The following FOXN3 variants were observed in gnomAD, a reference collection of about 807,000 sequenced individuals.
The protein encoded by FOXN3 is forkhead box protein N3.
In FOXN3, 7 loss-of-function variants were observed where a neutral mutation model predicts 38.4. The ratio of observed to expected loss-of-function variants is 0.18; its 90% CI spans 0.10 to 0.34. The LOEUF (loss-of-function observed/expected upper bound fraction) is 0.34, where lower values mean the gene tolerates loss of function less well. FOXN3 is among the 10% of genes least tolerant of loss of function. The pLI is 1.00. For synonymous variants in FOXN3, 230 were observed against 242.2 expected, an observed-to-expected ratio of 0.95 and a Z score of 0.47; for missense variants, 456 against 613.4, an observed-to-expected ratio of 0.74 and a Z score of 2.71.
At chr14:89,220,254 T>G (rs1295338492) in intron 4 of FOXN3, among the ~76,000 whole-genome samples, 1 of 152,160 alleles carries the variant, frequency 6.6e-6, no homozygotes, top group Non-Finnish European at 1.5e-5. Context: ...TGGATTCAGG[T>G]GGCATGGGTT....
At chr14:89,460,507 G>C (rs191701560) in intron 1 of FOXN3, among the ~76,000 whole-genome samples, 1 of 152,198 alleles carries the variant, frequency 6.6e-6, no homozygotes, top group Admixed American at 6.5e-5. Flanking sequence ...CCCGCTTCTT[G>C]TTCCTCTCAC....
chr14:89,172,491 C>T (rs1887415430), intron 5 of FOXN3, among the ~76,000 whole-genome samples: 3 of 152,150 alleles, frequency 2.0e-5, no homozygotes, highest in African/African-American at 4.8e-5. Context: ...CTTGTTCGCG[C>T]ACTCCCTTGC....
At chr14:89,218,818 C>A (rs1462173870) in intron 4 of FOXN3, among the ~76,000 whole-genome samples, 1 of 152,160 alleles carries the variant, frequency 6.6e-6, no homozygotes, top group Non-Finnish European at 1.5e-5. Flanking sequence ...AATGAGAGGT[C>A]TGGACTGAAC....
At chr14:89,510,479 C>T (rs1233703912) in intron 1 of FOXN3, among the ~76,000 whole-genome samples, 1 of 152,178 alleles carries the variant, frequency 6.6e-6, no homozygotes, top group African/African-American at 2.4e-5. Flanking sequence ...CTCCAGGACC[C>T]AAGCTGCCCT....
chr14:89,191,279 C>A (rs1299346697), intron 4 of FOXN3, among the ~76,000 whole-genome samples: 1 of 152,192 alleles, frequency 6.6e-6, no homozygotes, highest in African/African-American at 2.4e-5. Context: ...AGTAAACAAC[C>A]CCCAAGAATG....
chr14:89,558,842 G>A (rs1439649417), intron 1 of FOXN3, among the ~76,000 whole-genome samples: 1 of 152,164 alleles, frequency 6.6e-6, no homozygotes, highest in Non-Finnish European at 1.5e-5. Flanking sequence ...GCAGGGCCAG[G>A]TGGGCCATGA....
At chr14:89,334,685 G>C (rs1337902211) in intron 3 of FOXN3, among the ~76,000 whole-genome samples, 3 of 150,844 alleles carry the variant, frequency 2.0e-5, no homozygotes, top group African/African-American at 7.3e-5. Flanking sequence ...TAATAATACT[G>C]TATTTTATAC....
intron 2 of FOXN3, among the ~76,000 whole-genome samples, chr14:89,374,465 T>A (rs1405924407): frequency 1.3e-5 from 2 of 151,970 alleles, no homozygotes; most frequent in African/African-American, 2.4e-5. Context: ...ACATAAAGAC[T>A]TGTAAAAGAA....
chr14:89,598,467 T>C (rs898270763), intron 1 of FOXN3, among the ~76,000 whole-genome samples: 3 of 152,200 alleles, frequency 2.0e-5, no homozygotes, highest in Admixed American at 6.5e-5. Context: ...TATTTTTTAA[T>C]GGAGACAAGG....
At chr14:89,520,017 C>CTTTTTTTTTTTTTTTTTTT (rs56854196) in intron 1 of FOXN3, among the ~76,000 whole-genome samples, 1 of 132,446 alleles carries the variant, frequency 7.6e-6, no homozygotes, top group African/African-American at 2.7e-5. Context: ...TTCTTTTTTT[C>CTTTTTTTTTTTTTTTTTTT]TTTTTTTTTT....
intron 1 of FOXN3, among the ~76,000 whole-genome samples, chr14:89,566,508 CT>C (rs1168080852): frequency 2.0e-5 from 3 of 152,210 alleles, no homozygotes; most frequent in African/African-American, 7.2e-5. Context: ...CATTATTGTG[CT>C]TTGTCAAAAA....
intron 4 of FOXN3, among the ~76,000 whole-genome samples, chr14:89,218,660 C>T (rs1486371340): frequency 6.6e-6 from 1 of 152,160 alleles, no homozygotes; most frequent in Admixed American, 6.5e-5. Flanking sequence ...TGGTCATGAA[C>T]ATTTTAGGTT....
At chr14:89,561,144 G>A (rs1895240938) in intron 1 of FOXN3, among the ~76,000 whole-genome samples, 3 of 152,224 alleles carry the variant, frequency 2.0e-5, no homozygotes, top group Admixed American at 6.5e-5. Flanking sequence ...GGTGGCCTCC[G>A]TGATAAAAGC....
intron 1 of FOXN3, among the ~76,000 whole-genome samples, chr14:89,569,208 G>A (rs171461): frequency 1.2e-3 from 186 of 150,050 alleles, no homozygotes; most frequent in Admixed American, 8.4e-3. Flanking sequence ...CCGTCTCAAA[G>A]AAAAAGAAAG....
chr14:89,325,946 CA>C (rs1282697547), intron 3 of FOXN3, among the ~76,000 whole-genome samples: 3 of 152,252 alleles, frequency 2.0e-5, no homozygotes, highest in Non-Finnish European at 2.9e-5. Flanking sequence ...ACACTGAAAA[CA>C]GCTCCATCTA....
At chr14:89,262,561 A>G (rs1043734620) in intron 4 of FOXN3, among the ~76,000 whole-genome samples, 1 of 152,224 alleles carries the variant, frequency 6.6e-6, no homozygotes, top group Non-Finnish European at 1.5e-5. Context: ...AAATCAGGAC[A>G]TGTGGGTAAC....
At chr14:89,225,169 G>A (rs560179825) in intron 4 of FOXN3, among the ~76,000 whole-genome samples, 1 of 151,902 alleles carries the variant, frequency 6.6e-6, no homozygotes, top group African/African-American at 2.4e-5. Flanking sequence ...GCCAGGTGTG[G>A]GGATGTGTGC....
intron 1 of FOXN3, among the ~76,000 whole-genome samples, chr14:89,463,273 C>CA (rs112265879): frequency 0.35 from 49,787 of 144,150 alleles, 9,086 homozygotes; most frequent in South Asian, 0.46. Flanking sequence ...GGCTCTGTCT[C>CA]AAAAAAAAAA....
chr14:89,582,659 T>C (rs1436548882), intron 1 of FOXN3, among the ~76,000 whole-genome samples: 1 of 152,084 alleles, frequency 6.6e-6, no homozygotes, highest in African/African-American at 2.4e-5. Flanking sequence ...TGGGATATTA[T>C]TCACACATTT....
Sources: allele counts gnomAD v4.1 joint callset (sites outside exome capture counted in the v4.1 genomes callset), GRCh38; gene constraint gnomAD v4.1.1; transcripts MANE v1.5; gene names NCBI Gene and HGNC (gene_info 2026-07-23, HGNC 2026-07-21).